Variants in ZBTB37 observed in about 807,000 individuals in gnomAD.
ZBTB37 encodes zinc finger and BTB domain-containing protein 37.
ZBTB37 carries 15 observed loss-of-function variants against 37.7 expected under a neutral mutation model. The ratio of observed to expected loss-of-function variants is 0.40; its 90% CI spans 0.27 to 0.61. ZBTB37 has a LOEUF of 0.61. Ranked by LOEUF, ZBTB37 falls within the 20% of genes least tolerant of loss-of-function variation. The pLI, the probability that ZBTB37 is intolerant of heterozygous loss-of-function variation, is 0.44. For missense variants in ZBTB37, 514 were observed against 641.9 expected (o/e 0.80, Z 2.15); for synonymous variants, 231 against 220.6 (o/e 1.05, Z -0.42).
chr1:173,872,619 A>G (rs1189232717), intron 3 of ZBTB37, among the ~76,000 whole-genome samples: 1 of 152,146 alleles, frequency 6.6e-6, no homozygotes, highest in East Asian at 1.9e-4. Context: ...GGGTGCACCA[A>G]AATCTCACAA....
exon 3 of ZBTB37, chr1:173,870,274 T>G: frequency 6.2e-7 from 1 of 1,614,206 alleles, no homozygotes. Context: ...CTTCAGCAAC[T>G]CTGTCCTGAG....
At chr1:173,881,520 G>T (rs565862673) in intron 4 of ZBTB37, among the ~76,000 whole-genome samples, 25 of 152,334 alleles carry the variant, frequency 1.6e-4, no homozygotes, top group Admixed American at 9.1e-4. Flanking sequence ...GATCCTTGAG[G>T]AATTGCCACA....
At chr1:173,873,484 G>C in exon 4 of ZBTB37, 1 of 1,612,964 alleles carries the variant, frequency 6.2e-7, no homozygotes, top group East Asian at 2.2e-5. Context: ...CCCTCCGGCA[G>C]TGTTGTTCCC....
intron 4 of ZBTB37, among the ~76,000 whole-genome samples, chr1:173,879,479 G>C (rs1036269638): frequency 3.3e-5 from 5 of 152,118 alleles, no homozygotes; most frequent in Non-Finnish European, 7.4e-5. Context: ...ATAGGTAATA[G>C]GGAAAGGAGA....
chr1:173,900,144 T>C (rs962709794), exon 4 of ZBTB37: 1 of 152,210 alleles, frequency 6.6e-6, no homozygotes, highest in Non-Finnish European at 1.5e-5. Flanking sequence ...GATGGTAATA[T>C]GTTTGATTAT....
exon 4 of ZBTB37, chr1:173,894,936 T>C (rs1193927717): frequency 1.3e-5 from 2 of 152,124 alleles, no homozygotes; most frequent in Non-Finnish European, 2.9e-5. Context: ...ATCTGGAGCA[T>C]ACTTCATTTG....
chr1:173,873,689 G>GA (rs1655720338), intron 4 of ZBTB37, 123 bp downstream of exon 4: 3 of 1,424,160 alleles, frequency 2.1e-6, no homozygotes. Flanking sequence ...AAGAAATACT[G>GA]TATTTTTTTT....
At chr1:173,890,454 G>A (rs535377305), downstream of ZBTB37, 3 of 152,044 alleles carry the variant, frequency 2.0e-5, 1 homozygote, top group African/African-American at 7.2e-5. Flanking sequence ...TTCCTAAAAT[G>A]TCCTTCCCCT....
intron 4 of ZBTB37, among the ~76,000 whole-genome samples, chr1:173,881,587 C>G (rs1474605495): frequency 6.6e-6 from 1 of 152,170 alleles, no homozygotes; most frequent in Non-Finnish European, 1.5e-5. Context: ...CAAAAGTGTT[C>G]CTATTTCTCC....
At chr1:173,899,332 C>T (rs1315874032) in exon 4 of ZBTB37, 1 of 152,156 alleles carries the variant, frequency 6.6e-6, no homozygotes, top group Admixed American at 6.6e-5. Flanking sequence ...TTGTCCTAGG[C>T]CTGTCCCCTG....
intron 4 of ZBTB37, among the ~76,000 whole-genome samples, chr1:173,875,480 C>T (rs1474483517): frequency 2.6e-5 from 4 of 151,382 alleles, no homozygotes; most frequent in Admixed American, 6.6e-5. Context: ...CGCCCGCCAG[C>T]ACACCTAGCT....
chr1:173,890,963 T>G (rs1656818425), downstream of ZBTB37: 1 of 152,216 alleles, frequency 6.6e-6, no homozygotes, highest in Admixed American at 6.5e-5. Flanking sequence ...TTTATAATAG[T>G]TTGGTTGAAG....
intron 4 of ZBTB37, among the ~76,000 whole-genome samples, chr1:173,883,768 A>C (rs1196350648): frequency 6.6e-6 from 1 of 152,340 alleles, no homozygotes; most frequent in African/African-American, 2.4e-5. Context: ...CTGCTTCCCA[A>C]ACCTGTTGAG....
downstream of ZBTB37, chr1:173,888,179 AGCCATCTTTAGGGACTG>A (rs1358648207): frequency 6.6e-6 from 1 of 152,186 alleles, no homozygotes; most frequent in African/African-American, 2.4e-5. Context: ...TGTCTTCTAA[AGCCATCTTTAGGGACTG>A]GCTGTGCTCT....
exon 4 of ZBTB37, chr1:173,894,489 C>G (rs1204267815): frequency 6.6e-6 from 1 of 152,224 alleles, no homozygotes; most frequent in Non-Finnish European, 1.5e-5. Flanking sequence ...CAGGTCTCCT[C>G]TTTCTCTCCA....
At chr1:173,895,666 C>T (rs1657017503) in exon 4 of ZBTB37, 1 of 152,114 alleles carries the variant, frequency 6.6e-6, no homozygotes, top group South Asian at 2.1e-4. Flanking sequence ...TTCTTGTTAC[C>T]TTTCATACAG....
At chr1:173,891,850 A>G (rs1656854732) in exon 4 of ZBTB37, 1 of 152,188 alleles carries the variant, frequency 6.6e-6, no homozygotes, top group Non-Finnish European at 1.5e-5. Flanking sequence ...TATCTTGACA[A>G]AGTTTTCTAG....
At chr1:173,899,723 C>G (rs1376409767) in exon 4 of ZBTB37, 2 of 152,170 alleles carry the variant, frequency 1.3e-5, no homozygotes, top group East Asian at 3.9e-4. Context: ...TATGTAATCC[C>G]TAGTGGTCAT....
rs1399968929 is a variant in ZBTB37 at position 173,875,330 on chromosome 1, A to ATATAT, written c.1023+1765_1023+1766insATATT. 3.5e-3 allele frequency among the ~76,000 whole-genome samples: 427 copies of ATATAT among 122,444 alleles called. 2 individuals carry two copies. The highest frequency in any genetic ancestry group is 0.011 in the African/African-American group (290 of 25,654). 80.3% of individuals were successfully genotyped at this position (122,444 alleles called of 152,430 possible). ...TATATATGTGTGCATATATATATAT[A>ATATAT]TTTTTTTTTTTTTTTGAGGCAGTCT... On this transcript the variant is annotated intron_variant, in intron 4 of 4. Transcript: ENST00000427304.
Sources: allele counts gnomAD v4.1 joint callset (sites outside exome capture counted in the v4.1 genomes callset), GRCh38; gene constraint gnomAD v4.1.1; transcripts MANE v1.5; gene names NCBI Gene and HGNC (gene_info 2026-07-23, HGNC 2026-07-21).